The following GRID2 variants were observed in gnomAD, a reference collection of about 807,000 sequenced individuals.
GRID2 encodes the protein glutamate receptor ionotropic, delta-2.
In GRID2, 33 loss-of-function variants were observed where a neutral mutation model predicts 114.8. The ratio of observed to expected loss-of-function variants is 0.29; its 90% CI spans 0.22 to 0.38. GRID2 has a LOEUF of 0.38. GRID2 is among the 10% of genes least tolerant of loss of function. The probability of loss-of-function intolerance (pLI) is 1.00; values close to 1 mark genes in which losing one functional copy is unlikely to be tolerated. For missense variants in GRID2, 1,184 were observed against 1,257.7 expected (o/e 0.94, Z 0.89); for synonymous variants, 505 against 449.9 (o/e 1.12, Z -1.55).
intron 1 of GRID2, among the ~76,000 whole-genome samples, chr4:93,803,239 T>G (rs904669670): frequency 3.3e-5 from 5 of 152,234 alleles, no homozygotes; most frequent in Admixed American, 2.6e-4. Flanking sequence ...CACTCAACTC[T>G]GATACTGTGA....
intron 3 of GRID2, among the ~76,000 whole-genome samples, chr4:93,092,454 C>T (rs1730871450): frequency 6.6e-6 from 1 of 152,002 alleles, no homozygotes; most frequent in South Asian, 2.1e-4. Flanking sequence ...TTTGGCTTTC[C>T]CTACTAGGAT....
At chr4:92,984,668 A>C (rs1754400874) in intron 2 of GRID2, among the ~76,000 whole-genome samples, 1 of 152,178 alleles carries the variant, frequency 6.6e-6, no homozygotes, top group South Asian at 2.1e-4. Context: ...CCATTAGCTA[A>C]ACTAAAGACT....
chr4:92,921,139 G>A (rs922516480), intron 2 of GRID2, among the ~76,000 whole-genome samples: 22 of 151,858 alleles, frequency 1.4e-4, no homozygotes, highest in African/African-American at 3.1e-4. Flanking sequence ...AGTTGATCGC[G>A]TCGGCTACTG....
intron 1 of GRID2, among the ~76,000 whole-genome samples, chr4:92,582,523 A>G (rs558643411): frequency 1.6e-4 from 25 of 152,108 alleles, no homozygotes; most frequent in African/African-American, 5.8e-4. Flanking sequence ...TATAAATTAA[A>G]TCACTGAGAC....
chr4:92,707,933 A>C (rs1360755515), intron 2 of GRID2, among the ~76,000 whole-genome samples: 1 of 152,152 alleles, frequency 6.6e-6, no homozygotes, highest in African/African-American at 2.4e-5. Context: ...CCAACGAACA[A>C]ACTTAATTTG....
chr4:93,709,323 T>G (rs1486612445), intron 14 of GRID2, among the ~76,000 whole-genome samples: 1 of 152,190 alleles, frequency 6.6e-6, no homozygotes, highest in Non-Finnish European at 1.5e-5. Flanking sequence ...AAAGTATTTC[T>G]CCTTTGTGTC....
intron 2 of GRID2, among the ~76,000 whole-genome samples, chr4:92,888,611 T>C (rs1026437250): frequency 6.6e-6 from 1 of 152,052 alleles, no homozygotes; most frequent in Non-Finnish European, 1.5e-5. Flanking sequence ...ATATAATCAG[T>C]TGTATTATTG....
At chr4:92,976,494 A>G (rs1374482543) in intron 2 of GRID2, among the ~76,000 whole-genome samples, 2 of 152,014 alleles carry the variant, frequency 1.3e-5, no homozygotes, top group East Asian at 3.9e-4. Context: ...TCAACTCTTG[A>G]TTTTATATAT....
chr4:92,608,571 G>A (rs866074168), intron 2 of GRID2, among the ~76,000 whole-genome samples: 12 of 151,872 alleles, frequency 7.9e-5, no homozygotes, highest in Middle Eastern at 3.4e-3. Context: ...TCTCAAAGGA[G>A]TTTTACTACA....
intron 1 of GRID2, among the ~76,000 whole-genome samples, chr4:92,459,579 C>T (rs1169536577): frequency 6.6e-6 from 1 of 152,032 alleles, no homozygotes; most frequent in African/African-American, 2.4e-5. Context: ...CCTTTCCTTT[C>T]TATTACCTTT....
chr4:93,679,871 G>T lies in GRID2; in HGVS notation c.2360+53436G>T, dbSNP rs550534250. Reference sequence around the variant, plus strand: ...CCTAACATCACAATTAAAAGAACTAGAAAAGCAAGAGCAAACACATTCAAA... The same window carrying T: ...CCTAACATCACAATTAAAAGAACTATAAAAGCAAGAGCAAACACATTCAAA... On this transcript the variant is annotated intron_variant, in intron 14 of 15. Coordinates refer to ENST00000282020, the MANE Select transcript of GRID2 (RefSeq NM_001510.4). Among the ~76,000 whole-genome samples, 48 of 150,998 alleles carry T rather than the reference G, an allele frequency of 3.2e-4. 1 individual carries two copies. The East Asian group carries it at 9.3e-3, about 29-fold the overall frequency.
chr4:93,803,953 C>T (rs753789270), intron 1 of GRID2, among the ~76,000 whole-genome samples: 55 of 152,202 alleles, frequency 3.6e-4, no homozygotes, highest in Non-Finnish European at 6.6e-4. Context: ...AGGTGTGTGG[C>T]GCTTCCTGGC....
intron 13 of GRID2, among the ~76,000 whole-genome samples, chr4:93,580,745 C>T (rs1259543018): frequency 5.3e-5 from 8 of 149,698 alleles, no homozygotes; most frequent in Non-Finnish European, 1.2e-4. Context: ...CAGTCCCTGG[C>T]AAAGAGCATT....
At chr4:93,297,678 T>C (rs970713755) in intron 8 of GRID2, among the ~76,000 whole-genome samples, 1 of 152,194 alleles carries the variant, frequency 6.6e-6, no homozygotes. Context: ...GTATTGCATA[T>C]AAAGGGCCTA....
intron 1 of GRID2, among the ~76,000 whole-genome samples, chr4:92,392,253 C>G (rs1341694015): frequency 2.6e-5 from 4 of 151,852 alleles, no homozygotes; most frequent in Non-Finnish European, 4.4e-5. Context: ...CAGTGTGCAC[C>G]CCTTGAGAAG....
intron 2 of GRID2, among the ~76,000 whole-genome samples, chr4:92,892,518 A>G (rs1325484559): frequency 6.6e-6 from 1 of 152,138 alleles, no homozygotes; most frequent in Non-Finnish European, 1.5e-5. Context: ...TGTAAGCTAT[A>G]TTATTATGTG....
intron 2 of GRID2, among the ~76,000 whole-genome samples, chr4:92,928,854 A>G (rs138785604): frequency 6.6e-6 from 1 of 151,566 alleles, no homozygotes; most frequent in East Asian, 1.9e-4. Flanking sequence ...ACAGAGCAAA[A>G]TATTCAAAGT....
intron 3 of GRID2, among the ~76,000 whole-genome samples, chr4:93,092,456 T>G (rs991255508): frequency 2.0e-5 from 3 of 152,070 alleles, no homozygotes; most frequent in Admixed American, 6.6e-5. Flanking sequence ...TGGCTTTCCC[T>G]ACTAGGATAC....
intron 3 of GRID2, among the ~76,000 whole-genome samples, chr4:93,100,504 G>A (rs1224441051): frequency 6.6e-6 from 1 of 151,948 alleles, no homozygotes; most frequent in African/African-American, 2.4e-5. Flanking sequence ...CATTTATAAA[G>A]TATGTTTTGC....
Sources: allele counts gnomAD v4.1 joint callset (sites outside exome capture counted in the v4.1 genomes callset), GRCh38; gene constraint gnomAD v4.1.1; transcripts MANE v1.5; gene names NCBI Gene and HGNC (gene_info 2026-07-23, HGNC 2026-07-21).